The following THSD4 variants were observed in gnomAD, a reference collection of about 807,000 sequenced individuals.
The protein encoded by THSD4 is thrombospondin type 1 domain containing 4, also known as thrombospondin type-1 domain-containing protein 4.
Under a neutral mutation model 119.0 loss-of-function variants are expected in THSD4, and 69 were observed. The ratio of observed to expected loss-of-function variants is 0.58; its 90% CI spans 0.48 to 0.71. The LOEUF (loss-of-function observed/expected upper bound fraction) is 0.71, where lower values mean the gene tolerates loss of function less well. Ranked by LOEUF, THSD4 falls within the 30% of genes least tolerant of loss-of-function variation. THSD4 has a pLI of 0.00. For synonymous variants in THSD4, 524 were observed against 540.4 expected (o/e 0.97, Z 0.42); for missense variants, 1,393 against 1,391.1 (o/e 1.00, Z -0.02).
chr15:71,617,261 C>T lies in THSD4; in HGVS notation c.1153-43269C>T, dbSNP rs547743310. 1.6e-4 allele frequency among the ~76,000 whole-genome samples: 25 copies of T among 151,996 alleles called. 1 individual carries two copies. Among genetic ancestry groups the T allele is most frequent in the Non-Finnish European group, 3.1e-4 (21 of 67,978 alleles). On this transcript the variant is annotated intron_variant, in intron 7 of 17. Transcript: ENST00000261862. The stretch of plus-strand genomic sequence containing the variant: ...AATAAAATCAGATACAAGCCAGAAA[C>T]GAATTAATGGAAGTATGTGAAATTA...
intron 7 of THSD4, among the ~76,000 whole-genome samples, chr15:71,612,778 G>A (rs2062884109): frequency 1.3e-5 from 2 of 152,158 alleles, no homozygotes; most frequent in Non-Finnish European, 2.9e-5. Flanking sequence ...TGGCTCAAAG[G>A]TCCAAGCCAG....
intron 7 of THSD4, among the ~76,000 whole-genome samples, chr15:71,510,695 G>T (rs529284747): frequency 8.5e-5 from 13 of 152,334 alleles, no homozygotes; most frequent in East Asian, 3.9e-4. Flanking sequence ...CTCATGTTCT[G>T]TTACGGACCA....
chr15:71,595,410 T>A (rs1414926386), intron 7 of THSD4, among the ~76,000 whole-genome samples: 1 of 152,034 alleles, frequency 6.6e-6, no homozygotes, highest in African/African-American at 2.4e-5. Context: ...ATCTGATGGG[T>A]TTATTAGAGG....
intron 7 of THSD4, among the ~76,000 whole-genome samples, chr15:71,647,599 G>A (rs2050996042): frequency 6.6e-6 from 1 of 152,116 alleles, no homozygotes; most frequent in African/African-American, 2.4e-5. Context: ...TCTCGGGTTG[G>A]GTAATGACGT....
At chr15:71,758,913 T>C (rs963766287) in intron 15 of THSD4, among the ~76,000 whole-genome samples, 1 of 152,126 alleles carries the variant, frequency 6.6e-6, no homozygotes, top group African/African-American at 2.4e-5. Flanking sequence ...TCAGGAACCA[T>C]AAAAATGTTC....
chr15:71,563,854 C>A lies in THSD4; in HGVS notation c.1153-96676C>A, dbSNP rs571233909. Among the ~76,000 whole-genome samples, 5 of 152,086 alleles carry A rather than the reference C, an allele frequency of 3.3e-5. No individual in the cohort carries two copies. In the East Asian group the frequency reaches 5.8e-4, roughly 18 times the overall value. On this transcript the variant is annotated intron_variant, in intron 7 of 17. Transcript: ENST00000261862. ...AACTCTTTATCCCGTGTGACAAATG[C>A]GTATTGAGGCCCTAACATGCCCCAG... is the stretch of plus-strand genomic sequence containing the variant.
At chr15:71,730,348 C>T (rs1271390212) in intron 9 of THSD4, 1 of 152,190 alleles carries the variant, frequency 6.6e-6, no homozygotes, top group Non-Finnish European at 1.5e-5. Flanking sequence ...TTTAGCCCAC[C>T]ACCCTGCTCC....
intron 7 of THSD4, among the ~76,000 whole-genome samples, chr15:71,484,881 A>G (rs781781903): frequency 3.3e-5 from 5 of 152,162 alleles, no homozygotes; most frequent in Admixed American, 6.5e-5. Context: ...ACCTAATAAA[A>G]AATGCATTCT....
chr15:71,325,916 C>CT (rs144320114), intron 6 of THSD4, among the ~76,000 whole-genome samples: 1 of 152,082 alleles, frequency 6.6e-6, no homozygotes, highest in Non-Finnish European at 1.5e-5. Context: ...TTCCTGGGAA[C>CT]TTTTTTTTCC....
intron 6 of THSD4, among the ~76,000 whole-genome samples, chr15:71,270,659 G>T (rs1353494055): frequency 6.6e-6 from 1 of 152,128 alleles, no homozygotes; most frequent in Admixed American, 6.5e-5. Flanking sequence ...CTGGCTACAG[G>T]AATTTCTACT....
chr15:71,608,249 T>TATACACACAC (rs772729777), intron 7 of THSD4, among the ~76,000 whole-genome samples: 3,889 of 106,120 alleles, frequency 0.037, 104 homozygotes, highest in Admixed American at 0.062. Context: ...TATATATATA[T>TATACACACAC]ACACACACAC....
At chr15:71,244,369 A>G (rs2044181227) in intron 5 of THSD4, among the ~76,000 whole-genome samples, 1 of 152,134 alleles carries the variant, frequency 6.6e-6, no homozygotes, top group South Asian at 2.1e-4. Flanking sequence ...CTGCCTTAAT[A>G]CTCTGTTGCT....
chr15:71,676,963 A>G (rs552631458), intron 8 of THSD4, among the ~76,000 whole-genome samples: 2 of 152,304 alleles, frequency 1.3e-5, no homozygotes, highest in Non-Finnish European at 1.5e-5. Context: ...TTGGGTATAT[A>G]CCTAGGAGTG....
chr15:71,518,632 CATT>C (rs1236169828), intron 7 of THSD4, among the ~76,000 whole-genome samples: 2 of 152,290 alleles, frequency 1.3e-5, no homozygotes, highest in Non-Finnish European at 2.9e-5. Context: ...AACACAATCT[CATT>C]AATCCTCATG....
rs754235639 is a variant in THSD4 at position 71,256,487 on chromosome 15, A to T, written c.913-126A>T. 8 of 597,426 alleles carry T rather than the reference A, an allele frequency of 1.3e-5. No homozygotes were observed. In the East Asian group the frequency reaches 2.0e-4, roughly 15 times the overall value. The allele number at this position is 597,426 out of a possible 1,614,324, so 37.0% of individuals were successfully genotyped here. A position where few individuals can be genotyped will look rare whatever the true frequency, so the allele number is the denominator to read the frequency against. On this transcript the variant is annotated intron_variant, in intron 5 of 17. Coordinates refer to ENST00000261862, the MANE Select transcript of THSD4 (RefSeq NM_024817.3). ...TGAGACTCCATCTCAAAAAAAAAAA[A>T]ATAAATAAATAAAGAATAAAAATAA... is the stretch of plus-strand genomic sequence containing the variant.
intron 7 of THSD4, among the ~76,000 whole-genome samples, chr15:71,530,958 G>A (rs1349517231): frequency 2.6e-5 from 4 of 151,956 alleles, no homozygotes; most frequent in Non-Finnish European, 5.9e-5. Flanking sequence ...GGGCATTGAC[G>A]GGGATAGGGG....
chr15:71,443,224 A>G (rs555103070), intron 7 of THSD4, among the ~76,000 whole-genome samples: 2 of 152,252 alleles, frequency 1.3e-5, no homozygotes, highest in South Asian at 2.1e-4. Context: ...GAAAAATGTT[A>G]AGGATTTTTC....
chr15:71,762,386 G>A (rs1284045175), intron 15 of THSD4, among the ~76,000 whole-genome samples: 1 of 152,180 alleles, frequency 6.6e-6, no homozygotes, highest in African/African-American at 2.4e-5. Flanking sequence ...CACACACTTA[G>A]TACAGATGTA....
At chr15:71,308,450 G>C (rs2045063682) in intron 6 of THSD4, among the ~76,000 whole-genome samples, 1 of 151,454 alleles carries the variant, frequency 6.6e-6, no homozygotes, top group African/African-American at 2.4e-5. Flanking sequence ...TGGTTTGAAA[G>C]ATCAGGAGAG....
Sources: allele counts gnomAD v4.1 joint callset (sites outside exome capture counted in the v4.1 genomes callset), GRCh38; gene constraint gnomAD v4.1.1; transcripts MANE v1.5; gene names NCBI Gene and HGNC (gene_info 2026-07-23, HGNC 2026-07-21).